The following ZNF732 variants were observed in gnomAD, a reference collection of about 807,000 sequenced individuals.
ZNF732 encodes the protein zinc finger protein LOC654254.
In ZNF732, 12 loss-of-function variants were observed where a neutral mutation model predicts 11.5. The observed-to-expected ratio is 1.05, with a 90% CI of 0.67 to 1.70. ZNF732 has a LOEUF of 1.70. ZNF732 is among the 40% of genes most tolerant of loss of function. The pLI is 0.00. For missense variants in ZNF732, 702 were observed against 676.9 expected (o/e 1.04, Z -0.41); for synonymous variants, 231 against 236.5 (o/e 0.98, Z 0.21).
chr4:275,557 T>C (rs1235125206), intron 3 of ZNF732, among the ~76,000 whole-genome samples: 20 of 151,730 alleles, frequency 1.3e-4, no homozygotes, highest in African/African-American at 4.6e-4. Flanking sequence ...AACAGCTAGA[T>C]CAACTAAATA....
At chr4:304,558 C>T (rs1202593128) in intron 1 of ZNF732, among the ~76,000 whole-genome samples, 1 of 136,600 alleles carries the variant, frequency 7.3e-6, no homozygotes, top group Admixed American at 7.6e-5. Flanking sequence ...AGCGCTCTTC[C>T]CGCAGCTGCC....
At chr4:291,310 G>C (rs781820555) in intron 3 of ZNF732, among the ~76,000 whole-genome samples, 4 of 152,122 alleles carry the variant, frequency 2.6e-5, no homozygotes, top group Non-Finnish European at 5.9e-5. Context: ...TCGAACTCCT[G>C]TGCTCAAGTG....
At chr4:275,548 A>G (rs1446518206) in intron 3 of ZNF732, among the ~76,000 whole-genome samples, 1 of 151,750 alleles carries the variant, frequency 6.6e-6, no homozygotes, top group Non-Finnish European at 1.5e-5. Context: ...ATAAAGCTGA[A>G]CAGCTAGATC....
intron 1 of ZNF732, among the ~76,000 whole-genome samples, chr4:303,111 G>C (rs1177807974): frequency 6.6e-6 from 1 of 152,146 alleles, no homozygotes; most frequent in Non-Finnish European, 1.5e-5. Flanking sequence ...CAAAAGCCCC[G>C]CGTCTATCAC....
At chr4:291,683 A>G (rs1719845023) in intron 3 of ZNF732, among the ~76,000 whole-genome samples, 1 of 152,216 alleles carries the variant, frequency 6.6e-6, no homozygotes, top group African/African-American at 2.4e-5. Flanking sequence ...CCCTATCAAA[A>G]TTTTAGTGGC....
At chr4:299,003 C>G (rs1324938788) in intron 1 of ZNF732, among the ~76,000 whole-genome samples, 1 of 152,094 alleles carries the variant, frequency 6.6e-6, no homozygotes, top group African/African-American at 2.4e-5. Context: ...ATGTTGACCT[C>G]TCATGATGTA....
chr4:277,625 G>A (rs1719525407), intron 3 of ZNF732, among the ~76,000 whole-genome samples: 1 of 151,656 alleles, frequency 6.6e-6, no homozygotes, highest in African/African-American at 2.4e-5. Context: ...TAGTGAGAAT[G>A]AATAGAAAAG....
Position 271,462 on chromosome 4 carries a change from C to T in ZNF732, c.1395G>A (p.Lys465=). ...AAGGTTTCTCTCCAGTATGAATTTT[C>T]TTATGTTTACTCAGGTATGCAGACC... ...FGWSAYLSKH[K]KIHTGEKPYR... The change falls in exon 4 of 4, where the codon AAG becomes AAA. Residue 465 remains lysine, a synonymous_variant. Coordinates refer to ENST00000419098, the MANE Select transcript of ZNF732 (RefSeq NM_001137608.3). 9 of 1,607,872 alleles carry T rather than the reference C, an allele frequency of 5.6e-6. No individual in the cohort carries two copies. The highest frequency in any genetic ancestry group is 7.6e-6 in the Non-Finnish European group (9 of 1,177,142).
intron 3 of ZNF732, among the ~76,000 whole-genome samples, chr4:283,832 C>T (rs1553840216): frequency 6.6e-6 from 1 of 152,138 alleles, no homozygotes; most frequent in Non-Finnish European, 1.5e-5. Flanking sequence ...CTCTAGCATA[C>T]ATCATAAATC....
In ZNF732 at chr4:271,561, G is replaced by C. The variant is rs1719362803; in HGVS notation, c.1296C>G (p.Asp432Glu). 2 of 1,611,900 alleles carry C rather than the reference G, an allele frequency of 1.2e-6. No individual in the cohort carries two copies. Among genetic ancestry groups the C allele is most frequent in the Non-Finnish European group, 8.5e-7 (1 of 1,178,944 alleles). Residue 432 changes from aspartate to glutamate, a missense_variant, in exon 4 of 4, where the codon GAC (aspartate) becomes GAG (glutamate). Transcript: ENST00000419098. The part of the protein sequence containing the change: ...ECGKAFGWST[D>E]LNKHKIIHTG... ...TATGAATTATCTTATGTTTATTCAG[G>C]TCTGTGGACCATCCAAAGGCTTTGC...
intron 2 of ZNF732, 86 bp downstream of exon 2, chr4:295,943 G>A (rs1382511493): frequency 1.4e-6 from 2 of 1,454,860 alleles, no homozygotes; most frequent in South Asian, 3.2e-5. Flanking sequence ...ACACAAAGCA[G>A]AAGGTTCCCA....
chr4:294,057 A>G (rs74996354), intron 3 of ZNF732, among the ~76,000 whole-genome samples: 8,736 of 152,268 alleles, frequency 0.057, 402 homozygotes, highest in African/African-American at 0.13. Flanking sequence ...ACTGGAATGC[A>G]ATGGCATGAT....
At chr4:301,107 C>T (rs1331671878) in intron 1 of ZNF732, among the ~76,000 whole-genome samples, 2 of 152,098 alleles carry the variant, frequency 1.3e-5, no homozygotes, top group African/African-American at 2.4e-5. Flanking sequence ...CCAAGAGACA[C>T]GTGAAAAAAT....
Position 299,309 on chromosome 4 carries a change from C to G in ZNF732, c.4-3154G>C, listed in dbSNP as rs533786641. Among the ~76,000 whole-genome samples, 8 of 145,562 alleles carry G rather than the reference C, an allele frequency of 5.5e-5. No homozygotes were observed. In the East Asian group the frequency reaches 1.4e-3, roughly 26 times the overall value. The stretch of plus-strand genomic sequence containing the variant: ...ATGCAACACTGGAATATAAAGGTGC[C>G]CTGAATATACGCTCCAATTAGAAGC... On this transcript the variant is annotated intron_variant, in intron 1 of 3. Coordinates refer to ENST00000419098, the MANE Select transcript of ZNF732 (RefSeq NM_001137608.3).
Position 295,454 on chromosome 4 carries a change from T to G in ZNF732, c.210A>C (p.Thr70=). ...KEPYKVKIHE[T]VAKHPAVCSH... ...GTCACCTACCTGGGTGTTTGGCTAC[T>G]GTCTCATGTATCTTCACTTTGTAGG... is the stretch of plus-strand genomic sequence containing the variant. The change falls in exon 3 of 4, where the codon ACA becomes ACC. Residue 70 remains threonine, a synonymous_variant. Transcript: ENST00000419098. The G allele has an allele frequency of 6.2e-7, 1 of 1,608,762 alleles. No homozygotes were observed. Among genetic ancestry groups the G allele is most frequent in the Non-Finnish European group, 8.5e-7 (1 of 1,177,302 alleles).
intron 2 of ZNF732, 37 bp downstream of exon 2, chr4:295,991 AG>A: frequency 6.3e-7 from 1 of 1,597,124 alleles, no homozygotes; most frequent in Non-Finnish European, 8.5e-7. Flanking sequence ...AAACTCCCTG[AG>A]GGAGTATTAG....
At chr4:276,425 C>T (rs1719498231) in intron 3 of ZNF732, among the ~76,000 whole-genome samples, 1 of 151,846 alleles carries the variant, frequency 6.6e-6, no homozygotes, top group African/African-American at 2.4e-5. Context: ...AAGTTTTCTG[C>T]TCCTTCCTAT....
At chr4:298,998 G>C (rs782342973) in intron 1 of ZNF732, among the ~76,000 whole-genome samples, 1 of 152,070 alleles carries the variant, frequency 6.6e-6, no homozygotes, top group Non-Finnish European at 1.5e-5. Context: ...CACCTATGTT[G>C]ACCTCTCATG....
chr4:270,929 A>G lies in ZNF732; in HGVS notation c.*170T>C. ...TTGAAGGCTTTCCCACATTCTTTAC[A>G]TTTGTAGGGTTTTTCTCCAGTATGA... is the stretch of plus-strand genomic sequence containing the variant. On this transcript the variant is annotated 3_prime_UTR_variant, in exon 4 of 4. Transcript: ENST00000419098. 3.9e-6 allele frequency: 3 copies of G among 767,974 alleles called. No homozygotes were observed. The highest frequency in any genetic ancestry group is 6.8e-6 in the Non-Finnish European group (3 of 438,046). 47.6% of individuals were successfully genotyped at this position (767,974 alleles called of 1,614,324 possible).
Sources: allele counts gnomAD v4.1 joint callset (sites outside exome capture counted in the v4.1 genomes callset), GRCh38; gene constraint gnomAD v4.1.1; transcripts MANE v1.5; gene names NCBI Gene and HGNC (gene_info 2026-07-23, HGNC 2026-07-21).